The following GALNT10 variants were observed in gnomAD, a reference collection of about 807,000 sequenced individuals.
The protein encoded by GALNT10 is GalNAc transferase 10.
Under a neutral mutation model 75.0 loss-of-function variants are expected in GALNT10, and 41 were observed. The ratio of observed to expected loss-of-function variants is 0.55; its 90% CI spans 0.43 to 0.71. GALNT10 has a LOEUF of 0.71. GALNT10 is among the 30% of genes least tolerant of loss of function. GALNT10 has a pLI of 0.00. For missense variants in GALNT10, 727 were observed against 818.5 expected (o/e 0.89, Z 1.36); for synonymous variants, 302 against 313.0 (o/e 0.96, Z 0.37).
intron 1 of GALNT10, chr5:154,287,508 G>A (rs959024975): frequency 2.0e-5 from 3 of 151,594 alleles, no homozygotes; most frequent in African/African-American, 7.3e-5. Flanking sequence ...TTCCCCGATC[G>A]TCCCAGGTAG....
At chr5:154,286,386 T>C (rs1385249661) in intron 1 of GALNT10, among the ~76,000 whole-genome samples, 1 of 101,796 alleles carries the variant, frequency 9.8e-6, no homozygotes, top group Non-Finnish European at 2.2e-5. Context: ...AGTCGATTTG[T>C]TTTTTTTTTT....
intron 4 of GALNT10, among the ~76,000 whole-genome samples, chr5:154,374,045 G>A (rs1190324647): frequency 1.3e-5 from 2 of 152,120 alleles, no homozygotes; most frequent in Non-Finnish European, 2.9e-5. Context: ...CACAAACAAT[G>A]ACTATGGATT....
intron 1 of GALNT10, among the ~76,000 whole-genome samples, chr5:154,197,277 C>G (rs1423066245): frequency 1.3e-5 from 2 of 152,180 alleles, no homozygotes; most frequent in Non-Finnish European, 2.9e-5. Context: ...TCCCCTGCCC[C>G]CATACACACT....
At chr5:154,372,664 G>A (rs1189658563) in intron 4 of GALNT10, among the ~76,000 whole-genome samples, 2 of 152,202 alleles carry the variant, frequency 1.3e-5, no homozygotes, top group African/African-American at 4.8e-5. Context: ...CCAGCATGGA[G>A]CATGTGCTCA....
In GALNT10 at chr5:154,265,057, A is replaced by C. The variant is rs543185858; in HGVS notation, c.160-29759A>C. Among the ~76,000 whole-genome samples the C allele has an allele frequency of 6.8e-4, 103 of 152,202 alleles. 1 individual carries two copies. Among genetic ancestry groups the C allele is most frequent in the Non-Finnish European group, 4.9e-4 (33 of 68,038 alleles). On this transcript the variant is annotated intron_variant, in intron 1 of 11. Coordinates refer to ENST00000297107, the MANE Select transcript of GALNT10 (RefSeq NM_198321.4). ...TTACCAGTCTCTAAGGGAAACACTA[A>C]AATAGCCAGCGAGCGTAATTTCTGG...
intron 1 of GALNT10, among the ~76,000 whole-genome samples, chr5:154,239,356 C>A (rs1369245854): frequency 6.6e-6 from 1 of 152,200 alleles, no homozygotes; most frequent in Admixed American, 6.5e-5. Context: ...CCCCAGGCCA[C>A]GGACTACCTT....
At chr5:154,290,402 C>G (rs887685869) in intron 1 of GALNT10, among the ~76,000 whole-genome samples, 1 of 151,946 alleles carries the variant, frequency 6.6e-6, no homozygotes, top group African/African-American at 2.4e-5. Flanking sequence ...AGCCACCACA[C>G]CTGACCAACT....
chr5:154,358,327 G>A (rs1195626758), intron 4 of GALNT10, among the ~76,000 whole-genome samples: 1 of 88,752 alleles, frequency 1.1e-5, no homozygotes, highest in Non-Finnish European at 2.4e-5. Flanking sequence ...TCCTGGCTTA[G>A]AGTAACAACA....
Position 154,380,623 on chromosome 5 carries a change from C to T in GALNT10, c.930C>T (p.Asp310=). 1 of 1,611,024 alleles carries T rather than the reference C, an allele frequency of 6.2e-7. No individual in the cohort carries two copies. Among genetic ancestry groups the T allele is most frequent in the Non-Finnish European group, 8.5e-7 (1 of 1,177,664 alleles). ...PPELQKADPS[D]PFESPVMAGG... ...AACTGCAGAAAGCTGACCCCAGCGA[C>T]CCATTTGAGTAAGTATGAACAACCC... Residue 310 remains aspartate, a synonymous_variant, in exon 6 of 12, where the codon GAC becomes GAT. Transcript: ENST00000297107.
At chr5:154,196,324 C>A (rs1159166077) in intron 1 of GALNT10, among the ~76,000 whole-genome samples, 2 of 152,256 alleles carry the variant, frequency 1.3e-5, no homozygotes, top group African/African-American at 2.4e-5. Context: ...GGCACCATTA[C>A]TGCTATCCCT....
At chr5:154,247,296 CT>C (rs1165153609) in intron 1 of GALNT10, among the ~76,000 whole-genome samples, 3 of 152,246 alleles carry the variant, frequency 2.0e-5, no homozygotes, top group South Asian at 4.1e-4. Flanking sequence ...AATGCGGGCT[CT>C]TTTTTGGGTC....
In GALNT10 at chr5:154,215,406, C is replaced by G. The variant is rs563143985; in HGVS notation, c.159+24381C>G. Among the ~76,000 whole-genome samples the G allele has an allele frequency of 8.7e-4, 132 of 152,208 alleles. 3 individuals are homozygous for G. The highest frequency in any genetic ancestry group is 3.4e-3 in the Middle Eastern group (1 of 294). On this transcript the variant is annotated intron_variant, in intron 1 of 11. Coordinates refer to ENST00000297107, the MANE Select transcript of GALNT10 (RefSeq NM_198321.4). ...CTGAGGCAGGAGAATGGCGTGAACCCGGGAGGTGGAGCTTGCAGTGAGCCG... is the reference window on the plus strand; with the variant it reads ...CTGAGGCAGGAGAATGGCGTGAACCGGGGAGGTGGAGCTTGCAGTGAGCCG...
intron 4 of GALNT10, among the ~76,000 whole-genome samples, chr5:154,369,864 C>G (rs1428447421): frequency 3.9e-5 from 6 of 152,192 alleles, no homozygotes; most frequent in Admixed American, 3.9e-4. Context: ...TTCTGCTGCT[C>G]CTCCTCTTCT....
At chr5:154,305,696 C>CA (rs995115680) in intron 3 of GALNT10, among the ~76,000 whole-genome samples, 1 of 152,132 alleles carries the variant, frequency 6.6e-6, no homozygotes, top group Non-Finnish European at 1.5e-5. Flanking sequence ...CAGTGAGCTT[C>CA]AAAATACATG....
Position 154,298,084 on chromosome 5 carries a change from G to A in GALNT10, c.401+5G>A. The A allele has an allele frequency of 6.2e-7, 1 of 1,610,164 alleles. No homozygotes were observed. Among genetic ancestry groups the A allele is most frequent in the Non-Finnish European group, 8.5e-7 (1 of 1,177,974 alleles). ...CCCAGATATCCGGCACCCAAAGTGA[G>A]TGTAACATCTCTCAAATTCTGAGAT... On this transcript the variant is annotated splice_donor_5th_base_variant and intron_variant, in intron 3 of 11. Coordinates refer to ENST00000297107, the MANE Select transcript of GALNT10 (RefSeq NM_198321.4). This position sits in a 1 kb window ranked among gnomAD's most constrained non-coding sequence, Gnocchi z 4.1.
chr5:154,208,480 T>C (rs984810722), intron 1 of GALNT10, among the ~76,000 whole-genome samples: 1 of 152,192 alleles, frequency 6.6e-6, no homozygotes, highest in African/African-American at 2.4e-5. Context: ...ATCTTTTATT[T>C]TCTCTCTCTC....
At chr5:154,197,141 G>A (rs1276962754) in intron 1 of GALNT10, among the ~76,000 whole-genome samples, 1 of 152,126 alleles carries the variant, frequency 6.6e-6, no homozygotes, top group Non-Finnish European at 1.5e-5. Context: ...CGGCTTGGGT[G>A]CAAATGCTTG....
At chr5:154,213,378 G>C (rs1226112298) in intron 1 of GALNT10, among the ~76,000 whole-genome samples, 10 of 152,128 alleles carry the variant, frequency 6.6e-5, no homozygotes, top group Admixed American at 6.5e-4. Context: ...GTTTCTCTCT[G>C]TTTTATGTCC....
chr5:154,253,002 G>GTTTTTTTTTTT (rs373849888), intron 1 of GALNT10, among the ~76,000 whole-genome samples: 11 of 89,842 alleles, frequency 1.2e-4, no homozygotes, highest in East Asian at 4.0e-4. Context: ...TTTTTTAGTG[G>GTTTTTTTTTTT]TTTTTTTTTT....
Sources: allele counts gnomAD v4.1 joint callset (sites outside exome capture counted in the v4.1 genomes callset), GRCh38; gene constraint gnomAD v4.1.1; non-coding constraint Gnocchi (gnomAD v3.1); transcripts MANE v1.5; gene names NCBI Gene and HGNC (gene_info 2026-07-23, HGNC 2026-07-21).